The following STARD13 variants were observed in gnomAD, a reference collection of about 807,000 sequenced individuals.
STARD13 encodes stAR-related lipid transfer protein 13.
In STARD13, 62 loss-of-function variants were observed where a neutral mutation model predicts 106.4. That is an observed-to-expected ratio of 0.58 (90% CI 0.48 to 0.72). The LOEUF (loss-of-function observed/expected upper bound fraction) is 0.72. Among genes scored for constraint, STARD13 ranks in the 30% least tolerant of loss-of-function variants. STARD13 has a pLI of 0.00. For synonymous variants in STARD13, 565 were observed against 553.0 expected (o/e 1.02, Z -0.31); for missense variants, 1,387 against 1,424.0 (o/e 0.97, Z 0.42).
chr13:33,287,514 G>A (rs1349794208), upstream of STARD13, among the ~76,000 whole-genome samples: 4 of 152,170 alleles, frequency 2.6e-5, no homozygotes, highest in Admixed American at 2.6e-4. Context: ...TTCTTATTTA[G>A]GATTTGAGCA....
At chr13:33,594,484 TTAAAATTA>T in the STARD13 span, among the ~76,000 whole-genome samples, 77 of 152,358 alleles carry the variant, frequency 5.1e-4, no homozygotes, top group South Asian at 0.016. Flanking sequence ...GGGTTACTTT[TTAAAATTA>T]TTTATTTTCT....
chr13:33,233,645 C>T (rs1289129992), intron 1 of STARD13, among the ~76,000 whole-genome samples: 2 of 152,244 alleles, frequency 1.3e-5, no homozygotes, highest in Non-Finnish European at 2.9e-5. Context: ...GCTGTAACAC[C>T]AGCCCTTTGC....
chr13:33,548,707 A>T, the STARD13 span, among the ~76,000 whole-genome samples: 1 of 152,178 alleles, frequency 6.6e-6, no homozygotes. Context: ...AGAATTCAAC[A>T]ATGTTTGCTG....
the STARD13 span, among the ~76,000 whole-genome samples, chr13:33,598,873 C>T: frequency 6.6e-6 from 1 of 152,144 alleles, no homozygotes; most frequent in Non-Finnish European, 1.5e-5. Context: ...TAAATTCATG[C>T]CAAGAAGACA....
chr13:33,657,414 A>G, the STARD13 span: 1 of 152,272 alleles, frequency 6.6e-6, no homozygotes, highest in Non-Finnish European at 1.5e-5. Flanking sequence ...AGGAGTCAAC[A>G]TGATCCCTGT....
chr13:33,407,362 T>C, the STARD13 span, among the ~76,000 whole-genome samples: 1 of 152,162 alleles, frequency 6.6e-6, no homozygotes, highest in African/African-American at 2.4e-5. Context: ...TGTGGCTGAA[T>C]GAAACTGTAG....
chr13:33,404,973 C>T, the STARD13 span, among the ~76,000 whole-genome samples: 6 of 152,160 alleles, frequency 3.9e-5, no homozygotes, highest in East Asian at 1.9e-4. Context: ...GATTGGGTTT[C>T]GCCATGTTGG....
At chr13:33,149,467 G>C (rs1880983380) in intron 3 of STARD13, among the ~76,000 whole-genome samples, 1 of 152,078 alleles carries the variant, frequency 6.6e-6, no homozygotes, top group Non-Finnish European at 1.5e-5. Context: ...AATTATCTAT[G>C]TGTCTTCTGT....
At chr13:33,433,487 C>T in the STARD13 span, among the ~76,000 whole-genome samples, 1 of 152,164 alleles carries the variant, frequency 6.6e-6, no homozygotes, top group African/African-American at 2.4e-5. Context: ...CCAGGAATCA[C>T]CTTGCAGGAG....
chr13:33,193,995 G>A (rs1886436288), intron 1 of STARD13, among the ~76,000 whole-genome samples: 1 of 144,728 alleles, frequency 6.9e-6, no homozygotes, highest in Non-Finnish European at 1.6e-5. Flanking sequence ...TTTAAGCTGA[G>A]GTTTTCAGGT....
intron 1 of STARD13, among the ~76,000 whole-genome samples, chr13:33,337,914 G>C (rs9597246): frequency 0.16 from 24,607 of 152,166 alleles, 2,640 homozygotes; most frequent in Non-Finnish European, 0.22. Flanking sequence ...TAAACCAAAT[G>C]AGGGGCCCTT....
chr13:33,177,134 T>A (rs1227880437), intron 1 of STARD13, among the ~76,000 whole-genome samples: 1 of 152,202 alleles, frequency 6.6e-6, no homozygotes, highest in Non-Finnish European at 1.5e-5. Context: ...CTGGCTAGCT[T>A]TGAGGAATAT....
At chr13:33,494,749 C>G in the STARD13 span, among the ~76,000 whole-genome samples, 2 of 151,906 alleles carry the variant, frequency 1.3e-5, no homozygotes, top group South Asian at 4.2e-4. Flanking sequence ...TTCACTATAG[C>G]TAGCACAATG....
intron 3 of STARD13, among the ~76,000 whole-genome samples, chr13:33,161,319 C>CTTTTT (rs761268263): frequency 5.5e-5 from 8 of 144,620 alleles, no homozygotes; most frequent in African/African-American, 2.0e-4. Context: ...TGTTTTATAT[C>CTTTTT]TTTTTTTTTT....
chr13:33,590,376 G>A, the STARD13 span, among the ~76,000 whole-genome samples: 2 of 151,976 alleles, frequency 1.3e-5, no homozygotes. Flanking sequence ...TATAAATCAT[G>A]CTCTCCTAAA....
the STARD13 span, among the ~76,000 whole-genome samples, chr13:33,484,828 AAACC>A: frequency 1.3e-5 from 2 of 152,224 alleles, no homozygotes; most frequent in Non-Finnish European, 2.9e-5. Context: ...TAGGGAAGAT[AAACC>A]AAGAAATAGA....
At chr13:33,572,052 A>G in the STARD13 span, among the ~76,000 whole-genome samples, 1 of 152,198 alleles carries the variant, frequency 6.6e-6, no homozygotes, top group Non-Finnish European at 1.5e-5. Context: ...ATAAAGAACT[A>G]TATATTTGCT....
chr13:33,671,642 A>G, the STARD13 span, among the ~76,000 whole-genome samples: 4 of 152,174 alleles, frequency 2.6e-5, no homozygotes, highest in Non-Finnish European at 5.9e-5. Context: ...AGGCAAGATG[A>G]TCCCTTGAAT....
the STARD13 span, chr13:33,511,487 G>T: frequency 6.6e-6 from 1 of 151,990 alleles, no homozygotes; most frequent in South Asian, 2.1e-4. Context: ...TGTATTAGAG[G>T]GTGATTCCCC....
Sources: allele counts gnomAD v4.1 joint callset (sites outside exome capture counted in the v4.1 genomes callset), GRCh38; gene constraint gnomAD v4.1.1; transcripts MANE v1.5; gene names NCBI Gene and HGNC (gene_info 2026-07-23, HGNC 2026-07-21).